Variants in MAGI2 observed in about 807,000 individuals in gnomAD.
MAGI2 encodes the protein membrane-associated guanylate kinase, WW and PDZ domain-containing protein 2.
Under a neutral mutation model 133.3 loss-of-function variants are expected in MAGI2, and 35 were observed. The observed-to-expected ratio is 0.26, with a 90% CI of 0.20 to 0.35. The LOEUF is 0.35. MAGI2 is among the 10% of genes least tolerant of loss of function. The pLI is 1.00. For missense variants in MAGI2, 1,636 were observed against 1,863.4 expected (o/e 0.88, Z 2.25); for synonymous variants, 729 against 710.6 (o/e 1.03, Z -0.41).
intron 7 of MAGI2, among the ~76,000 whole-genome samples, chr7:78,363,086 C>T (rs1792995126): frequency 6.6e-6 from 1 of 152,066 alleles, no homozygotes; most frequent in African/African-American, 2.4e-5. Flanking sequence ...TAACAAATTC[C>T]CAGCTATATG....
rs491431 is a variant in MAGI2, at chr7:78,860,917, G to A, written c.418+146173C>T. Among the ~76,000 whole-genome samples the A allele has an allele frequency of 7.9e-5, 12 of 152,032 alleles. No homozygotes were observed. In the South Asian group the frequency reaches 2.5e-3, roughly 32 times the overall value. On this transcript the variant is annotated intron_variant, in intron 2 of 21. Transcript: ENST00000354212. ...CCTGTTGGAGCTTCCAGGCAGCTTT[G>A]TTTACCTACTCAAGCCTCAGCAATG... is the stretch of plus-strand genomic sequence containing the variant.
chr7:78,220,636 TA>T (rs146564468), intron 10 of MAGI2, among the ~76,000 whole-genome samples: 4,150 of 151,374 alleles, frequency 0.027, 86 homozygotes, highest in Non-Finnish European at 0.037. Flanking sequence ...TAACGGAAGA[TA>T]AAACCAGCTT....
intron 1 of MAGI2, among the ~76,000 whole-genome samples, chr7:79,264,056 T>C (rs1470563254): frequency 6.6e-6 from 1 of 152,126 alleles, no homozygotes; most frequent in Non-Finnish European, 1.5e-5. Context: ...TTTTTTAAAG[T>C]AGAAAGAAAA....
chr7:79,148,273 G>A (rs186806103), intron 1 of MAGI2, among the ~76,000 whole-genome samples: 1 of 152,126 alleles, frequency 6.6e-6, no homozygotes, highest in Non-Finnish European at 1.5e-5. Flanking sequence ...AGGATGCTTT[G>A]CTTCTCACTG....
chr7:79,158,442 T>C (rs1824033066), intron 1 of MAGI2, among the ~76,000 whole-genome samples: 1 of 152,092 alleles, frequency 6.6e-6, no homozygotes. Context: ...GCTTTAAAGT[T>C]ATTGGTAAAA....
chr7:79,287,573 T>C lies in MAGI2; in HGVS notation c.301+165447A>G, dbSNP rs374017305. On this transcript the variant is annotated intron_variant, in intron 1 of 21. Coordinates refer to ENST00000354212, the MANE Select transcript of MAGI2 (RefSeq NM_012301.4). ...TTGAATTTGAATATCAACTTTTTTC[T>C]GAGTAGCTGTGTGTACTTGGCCATG... 3.9e-5 allele frequency among the ~76,000 whole-genome samples: 6 copies of C among 152,264 alleles called. No homozygotes were observed. In the East Asian group the frequency reaches 9.6e-4, roughly 24 times the overall value.
chr7:79,112,649 C>T (rs1288073611), intron 1 of MAGI2, among the ~76,000 whole-genome samples: 1 of 152,184 alleles, frequency 6.6e-6, no homozygotes, highest in Non-Finnish European at 1.5e-5. Flanking sequence ...TAAATTTGTG[C>T]TCAATATATG....
intron 2 of MAGI2, among the ~76,000 whole-genome samples, chr7:78,853,904 G>T (rs1416878927): frequency 6.6e-6 from 1 of 151,726 alleles, no homozygotes; most frequent in Non-Finnish European, 1.5e-5. Context: ...GCCATGGCAA[G>T]ATAAGTGTCC....
intron 10 of MAGI2, among the ~76,000 whole-genome samples, chr7:78,207,572 T>A (rs940457066): frequency 6.6e-6 from 1 of 152,224 alleles, no homozygotes; most frequent in Non-Finnish European, 1.5e-5. Flanking sequence ...TTCAATGTTA[T>A]TCACTTTTTT....
intron 1 of MAGI2, among the ~76,000 whole-genome samples, chr7:79,296,629 A>G (rs1836952236): frequency 6.6e-6 from 1 of 152,164 alleles, no homozygotes; most frequent in South Asian, 2.1e-4. Flanking sequence ...AATTGCAAAC[A>G]CTGTGGGCCA....
rs1821414522 is a variant in MAGI2, at chr7:78,130,134, T to A, written c.3204-2718A>T. Among the ~76,000 whole-genome samples the A allele has an allele frequency of 3.3e-5, 5 of 152,148 alleles. No individual in the cohort carries two copies. In the South Asian group the frequency reaches 1.0e-3, roughly 32 times the overall value. ...GAAATATATTCCATAACAGCTCTTC[T>A]GTTGTTTTCAACAAATGCTTCTCCT... On this transcript the variant is annotated intron_variant, in intron 18 of 21. Transcript: ENST00000354212.
intron 6 of MAGI2, among the ~76,000 whole-genome samples, chr7:78,377,854 T>C (rs1794593959): frequency 6.6e-6 from 1 of 150,486 alleles, no homozygotes; most frequent in African/African-American, 2.4e-5. Flanking sequence ...AGACTATTTA[T>C]AGAAAGTTAC....
intron 20 of MAGI2, among the ~76,000 whole-genome samples, chr7:78,090,472 G>A (rs924546230): frequency 3.3e-5 from 5 of 152,168 alleles, no homozygotes; most frequent in African/African-American, 1.2e-4. Flanking sequence ...GGGAGGTGAG[G>A]GTGTATGGGA....
intron 12 of MAGI2, among the ~76,000 whole-genome samples, chr7:78,191,534 C>T (rs1828212903): frequency 6.6e-6 from 1 of 152,124 alleles, no homozygotes; most frequent in Non-Finnish European, 1.5e-5. Flanking sequence ...TTGTGGAGTG[C>T]CTTGCAGAGT....
At chr7:78,183,250 T>TTATTTTTG (rs1289606917) in intron 13 of MAGI2, among the ~76,000 whole-genome samples, 1 of 151,196 alleles carries the variant, frequency 6.6e-6, no homozygotes, top group Non-Finnish European at 1.5e-5. Flanking sequence ...TTATTTTATC[T>TTATTTTTG]TATTTTTGTA....
At chr7:78,472,299 T>C (rs559608426) in intron 6 of MAGI2, among the ~76,000 whole-genome samples, 9 of 152,264 alleles carry the variant, frequency 5.9e-5, no homozygotes, top group Non-Finnish European at 1.0e-4. Flanking sequence ...TGGATTTGCC[T>C]GCAAATTTAT....
chr7:78,135,768 G>T (rs1407590229), intron 16 of MAGI2, among the ~76,000 whole-genome samples: 1 of 152,198 alleles, frequency 6.6e-6, no homozygotes, highest in African/African-American at 2.4e-5. Context: ...TAGCCACTTG[G>T]TAAAGAAGTT....
chr7:79,444,379 T>C (rs973492500), intron 1 of MAGI2, among the ~76,000 whole-genome samples: 4 of 152,232 alleles, frequency 2.6e-5, no homozygotes, highest in Non-Finnish European at 5.9e-5. Flanking sequence ...AAATTGTCCC[T>C]GTTTGCAGAT....
At chr7:79,141,263 T>A (rs1822102926) in intron 1 of MAGI2, among the ~76,000 whole-genome samples, 1 of 152,188 alleles carries the variant, frequency 6.6e-6, no homozygotes, top group African/African-American at 2.4e-5. Flanking sequence ...GATTTCTTTG[T>A]TCCAGATGAT....
Sources: gnomAD v4.1 joint callset for allele counts (sites outside exome capture counted in the v4.1 genomes callset) on GRCh38, gnomAD v4.1.1 for gene constraint, MANE v1.5 for transcripts, NCBI Gene and HGNC (gene_info 2026-07-23, HGNC 2026-07-21) for gene names.